SDCCAG8: variants seen among roughly 807,000 people sequenced by gnomAD.
SDCCAG8 encodes the protein serologically defined colon cancer antigen 8.
In SDCCAG8, 74 loss-of-function variants were observed where a neutral mutation model predicts 101.8. That is an observed-to-expected ratio of 0.73 (90% CI 0.60 to 0.88). The LOEUF is 0.88. Among genes scored for constraint, SDCCAG8 ranks in the 40% least tolerant of loss-of-function variants. SDCCAG8 has a pLI of 0.00. For missense variants in SDCCAG8, 787 were observed against 822.6 expected, an observed-to-expected ratio of 0.96 and a Z score of 0.53; for synonymous variants, 281 against 292.9, an observed-to-expected ratio of 0.96 and a Z score of 0.41.
chr1:243,379,516 C>T (rs576173577), intron 13 of SDCCAG8, among the ~76,000 whole-genome samples: 17 of 152,076 alleles, frequency 1.1e-4, no homozygotes, highest in Non-Finnish European at 2.5e-4. Context: ...AGGTTGTAAG[C>T]ATTGTGAATT....
At chr1:243,466,652 G>A (rs1378543421) in intron 16 of SDCCAG8, among the ~76,000 whole-genome samples, 2 of 152,200 alleles carry the variant, frequency 1.3e-5, no homozygotes, top group Non-Finnish European at 2.9e-5. Context: ...ACATTAGCTA[G>A]GTGAATTGTT....
intron 12 of SDCCAG8, among the ~76,000 whole-genome samples, chr1:243,373,064 T>A (rs1331140179): frequency 6.6e-6 from 1 of 151,772 alleles, no homozygotes. Context: ...GTTAATATTA[T>A]TTCTTGAAAT....
intron 5 of SDCCAG8, among the ~76,000 whole-genome samples, chr1:243,291,253 A>G (rs912164043): frequency 2.6e-5 from 4 of 152,216 alleles, no homozygotes; most frequent in Non-Finnish European, 5.9e-5. Context: ...AATTCCCCAG[A>G]TCATTGGGCT....
intron 13 of SDCCAG8, among the ~76,000 whole-genome samples, chr1:243,387,375 CA>C (rs60036773): frequency 0.02 from 3,108 of 152,148 alleles, 94 homozygotes; most frequent in African/African-American, 0.069. Flanking sequence ...GCCCTAAGTA[CA>C]AAACCTTAAA....
At chr1:243,411,537 A>G (rs990918794) in intron 13 of SDCCAG8, among the ~76,000 whole-genome samples, 1 of 152,192 alleles carries the variant, frequency 6.6e-6, no homozygotes, top group Non-Finnish European at 1.5e-5. Context: ...TAGTCATAAC[A>G]TAGAAGAACA....
At chr1:243,355,901 C>T (rs941284652) in intron 12 of SDCCAG8, among the ~76,000 whole-genome samples, 1 of 152,178 alleles carries the variant, frequency 6.6e-6, no homozygotes, top group Admixed American at 6.5e-5. Flanking sequence ...TGGGCCACCG[C>T]ACCTGGTGTG....
intron 17 of SDCCAG8, among the ~76,000 whole-genome samples, chr1:243,496,302 C>G (rs1030493339): frequency 2.6e-5 from 4 of 152,146 alleles, no homozygotes; most frequent in Non-Finnish European, 5.9e-5. Flanking sequence ...GAACAGCTGC[C>G]GAGCCCTGGC....
At chr1:243,477,415 T>C (rs891539819) in intron 16 of SDCCAG8, among the ~76,000 whole-genome samples, 1 of 152,244 alleles carries the variant, frequency 6.6e-6, no homozygotes, top group Non-Finnish European at 1.5e-5. Context: ...TTCAGGCAGA[T>C]GGTCTTCTAG....
At chr1:243,476,036 A>T in intron 16 of SDCCAG8, 1 of 985,420 alleles carries the variant, frequency 1.0e-6, no homozygotes. Flanking sequence ...TGGACCTTCT[A>T]GCTGGAAGAG....
chr1:243,446,215 A>G (rs1189917876), intron 16 of SDCCAG8, among the ~76,000 whole-genome samples: 1 of 152,226 alleles, frequency 6.6e-6, no homozygotes, highest in African/African-American at 2.4e-5. Context: ...GATGTATAAC[A>G]TAATAACTGG....
intron 16 of SDCCAG8, among the ~76,000 whole-genome samples, chr1:243,449,098 C>T (rs557112671): frequency 7.6e-4 from 116 of 152,314 alleles, no homozygotes; most frequent in African/African-American, 2.7e-3. Context: ...AGTGGACACT[C>T]AGTAAGTGTT....
At chr1:243,289,016 A>T (rs2069937197) in intron 5 of SDCCAG8, among the ~76,000 whole-genome samples, 1 of 152,042 alleles carries the variant, frequency 6.6e-6, no homozygotes, top group Non-Finnish European at 1.5e-5. Context: ...CAAAAAAAAA[A>T]AAAAAAGATA....
At chr1:243,309,785 A>C (rs1467110694) in intron 8 of SDCCAG8, among the ~76,000 whole-genome samples, 1 of 152,202 alleles carries the variant, frequency 6.6e-6, no homozygotes, top group Non-Finnish European at 1.5e-5. Context: ...ATAAGCCACC[A>C]CACCTGACCT....
intron 1 of SDCCAG8, among the ~76,000 whole-genome samples, chr1:243,256,479 G>A (rs1373132588): frequency 6.6e-6 from 1 of 152,226 alleles, no homozygotes; most frequent in African/African-American, 2.4e-5. Context: ...TCTTAACTTG[G>A]CATCTTTCTC....
chr1:243,430,024 A>G (rs948408245), intron 16 of SDCCAG8, among the ~76,000 whole-genome samples: 5 of 151,858 alleles, frequency 3.3e-5, no homozygotes, highest in South Asian at 4.2e-4. Flanking sequence ...TGTGGGTACT[A>G]GGTCTTGCTA....
At chr1:243,405,936 A>G (rs2079749963) in intron 13 of SDCCAG8, among the ~76,000 whole-genome samples, 1 of 151,910 alleles carries the variant, frequency 6.6e-6, no homozygotes, top group Admixed American at 6.5e-5. Context: ...TAATAGAATA[A>G]TAGAATAGAA....
At chr1:243,439,571 G>A (rs540125939) in intron 16 of SDCCAG8, among the ~76,000 whole-genome samples, 1 of 149,484 alleles carries the variant, frequency 6.7e-6, no homozygotes, top group South Asian at 2.1e-4. Context: ...GTTGCAGTGA[G>A]CCAAGATCAC....
intron 9 of SDCCAG8, among the ~76,000 whole-genome samples, chr1:243,330,189 C>T (rs527646428): frequency 7.2e-5 from 11 of 152,198 alleles, no homozygotes; most frequent in Admixed American, 4.6e-4. Flanking sequence ...TTACGTATTT[C>T]GTGTAGTATA....
At chr1:243,343,731 A>G (rs1171561716) in intron 11 of SDCCAG8, among the ~76,000 whole-genome samples, 4 of 152,226 alleles carry the variant, frequency 2.6e-5, no homozygotes, top group Non-Finnish European at 5.9e-5. Context: ...AGATATCAAT[A>G]GTATATCTAT....
Sources: gnomAD v4.1 joint callset for allele counts (sites outside exome capture counted in the v4.1 genomes callset) on GRCh38, gnomAD v4.1.1 for gene constraint, MANE v1.5 for transcripts, NCBI Gene and HGNC (gene_info 2026-07-23, HGNC 2026-07-21) for gene names.